The following OTOG variants were observed in gnomAD, a reference collection of about 807,000 sequenced individuals.
The protein encoded by OTOG is otogelin.
In OTOG, 296 loss-of-function variants were observed where a neutral mutation model predicts 313.8. That is an observed-to-expected ratio of 0.94 (90% CI 0.86 to 1.04). The LOEUF (loss-of-function observed/expected upper bound fraction) is 1.04, where lower values mean the gene tolerates loss of function less well. OTOG is among the 50% of genes least tolerant of loss of function. OTOG has a pLI of 0.00. For synonymous variants in OTOG, 1,533 were observed against 1,554.9 expected (o/e 0.99, Z 0.33); for missense variants, 3,948 against 3,840.1 (o/e 1.03, Z -0.74).
intron 32 of OTOG, 131 bp from the exon 33 acceptor site, chr11:17,605,726 G>T: frequency 9.9e-7 from 1 of 1,011,082 alleles, no homozygotes; most frequent in Non-Finnish European, 1.4e-6. Flanking sequence ...TGGTGTAGGG[G>T]GCAGGGCCTG....
In OTOG at chr11:17,631,872, C is replaced by G; in HGVS notation, c.6883C>G (p.Pro2295Ala). 6.4e-7 allele frequency: 1 copy of G among 1,550,522 alleles called. No individual in the cohort carries two copies. Among genetic ancestry groups the G allele is most frequent in the Non-Finnish European group, 8.7e-7 (1 of 1,147,004 alleles). Residue 2295 changes from proline to alanine, a missense_variant, in exon 41 of 56, where the codon CCC (proline) becomes GCC (alanine). Coordinates refer to ENST00000399397, the MANE Select transcript of OTOG (RefSeq NM_001292063.2). ...CAGCTGCGCCACAACTGACTGCTCG[C>G]CCTGCCTTCGCATGGTGTCCAACCG... ...PDSCATTDCS[P>A]CLRMVSNRTF...
In OTOG at chr11:17,610,414, A is replaced by T. The variant is rs781638826; in HGVS notation, c.5114A>T (p.Glu1705Val). The change falls in exon 36 of 56, where the codon GAA becomes GTA. Residue 1705 changes from glutamate (E) to valine (V), a missense_variant. Coordinates refer to ENST00000399397, the MANE Select transcript of OTOG (RefSeq NM_001292063.2). The stretch of plus-strand genomic sequence containing the variant: ...CTAACTGTGGCTGGAACAGCAGCAG[A>T]ACAGGTTCCTGTCAGTCCCCTTGCA... ...TPLTVAGTAAEQVPVSPLATR... is the reference protein window; with the variant it reads ...TPLTVAGTAAVQVPVSPLATR... The T allele has an allele frequency of 9.0e-6, 14 of 1,550,534 alleles. No individual in the cohort carries two copies. Among genetic ancestry groups the T allele is most frequent in the Non-Finnish European group, 1.2e-5 (14 of 1,146,926 alleles).
At chr11:17,571,945 G>A in intron 17 of OTOG, 135 bp from the exon 18 acceptor site, 1 of 1,186,594 alleles carries the variant, frequency 8.4e-7, no homozygotes, top group Middle Eastern at 2.0e-4. Context: ...GCTCCTCTGA[G>A]TGTGTGTATA....
chr11:17,557,231 A>C lies in OTOG; in HGVS notation c.773A>C (p.Tyr258Ser), dbSNP rs1474136016. The C allele has an allele frequency of 6.4e-7, 1 of 1,550,636 alleles. No individual in the cohort carries two copies. Among genetic ancestry groups the C allele is most frequent in the Non-Finnish European group, 8.7e-7 (1 of 1,147,016 alleles). ...GCCTGGGATGGTGCCTCGGCTGTCT[A>C]CATCAAGATGAGTCCAGAGCTTCTG... Reference protein sequence around the residue: ...TLAWDGASAVYIKMSPELLGW... With the variant: ...TLAWDGASAVSIKMSPELLGW... The change falls in exon 8 of 56, where the codon TAC becomes TCC. Residue 258 changes from tyrosine to serine, a missense_variant. Coordinates refer to ENST00000399397, the MANE Select transcript of OTOG (RefSeq NM_001292063.2).
chr11:17,630,946 A>G (rs953805641), intron 40 of OTOG, among the ~76,000 whole-genome samples: 2 of 152,248 alleles, frequency 1.3e-5, no homozygotes, highest in Non-Finnish European at 2.9e-5. Flanking sequence ...TCCTGCATAC[A>G]TAAGTTCCCA....
At position 17,645,772 on chromosome 11, in the gene OTOG, G is replaced by C; in HGVS notation, c.8570G>C (p.Cys2857Ser). The C allele has an allele frequency of 6.4e-7, 1 of 1,550,876 alleles. No homozygotes were observed. Among genetic ancestry groups the C allele is most frequent in the East Asian group, 2.4e-5 (1 of 40,922 alleles). ...AACCTAGTGTCCTGCGATGGGAGGT[G>C]CCCATCCGCCAGCATCTACAACTAC... is the stretch of plus-strand genomic sequence containing the variant. ...PVNLVSCDGR[C>S]PSASIYNYNI... is the part of the protein sequence containing the mutation. The change falls in exon 56 of 56, where the codon TGC becomes TCC. Residue 2857 changes from cysteine to serine, a missense_variant. Cys to Ser is a moderately radical substitution (Grantham distance 112, BLOSUM62 -1). Transcript: ENST00000399397.
rs531434043 is a variant in OTOG at position 17,552,123 on chromosome 11, C to T, written c.292+48C>T. The T allele has an allele frequency of 3.3e-6, 5 of 1,528,132 alleles. No homozygotes were observed. In the South Asian group the frequency reaches 4.8e-5, roughly 15 times the overall value. The allele number at this position is 1,528,132 out of a possible 1,614,324, so 94.7% of individuals were successfully genotyped here. ...TCCATGGGTTGTGCATGGGAGAGCC[C>T]TGGCAGAGGCCTGAAAGGGCAGAGG... On this transcript the variant is annotated intron_variant, in intron 4 of 55. Transcript: ENST00000399397.
intron 31 of OTOG, 39 bp from the exon 32 acceptor site, chr11:17,602,171 C>T: frequency 6.5e-7 from 1 of 1,546,132 alleles, no homozygotes; most frequent in Non-Finnish European, 8.7e-7. Context: ...GGTGGGCAGG[C>T]CATGGGGCCA....
chr11:17,614,886 A>G (rs1427543098), intron 39 of OTOG, among the ~76,000 whole-genome samples: 1 of 152,124 alleles, frequency 6.6e-6, no homozygotes, highest in Non-Finnish European at 1.5e-5. Context: ...TAAAGCCCCC[A>G]GGAGTAGATT....
At position 17,591,450 on chromosome 11, in the gene OTOG, T is replaced by G; in HGVS notation, c.2868T>G (p.Cys956Trp). ...GDQVMSPCHT[C>W]VCQRGSFQCT... is the part of the protein sequence containing the mutation. ...TCTGGTCTGGGCATGTGTTTTTCAG[T>G]GTGTGCCAGCGGGGCTCATTCCAGT... The change falls in exon 25 of 56, where the codon TGT (cysteine) becomes TGG (tryptophan). Residue 956 changes from cysteine to tryptophan, a missense_variant and splice_region_variant. Physicochemically the swap from Cys to Trp is radical, Grantham distance 215. Transcript: ENST00000399397. 1 of 1,550,740 alleles carries G rather than the reference T, an allele frequency of 6.4e-7. No individual in the cohort carries two copies. The highest frequency in any genetic ancestry group is 1.2e-5 in the South Asian group (1 of 84,058).
At position 17,638,465 on chromosome 11, in the gene OTOG, C is replaced by T. The variant is rs876657944; in HGVS notation, c.7810C>T (p.Arg2604Cys). 50 of 1,549,078 alleles carry T rather than the reference C, an allele frequency of 3.2e-5. No homozygotes were observed. Among genetic ancestry groups the T allele is most frequent in the Admixed American group, 3.1e-4 (16 of 50,924 alleles). Reference sequence around the variant, plus strand: ...CTTCCCCACAGTGTGTGAGAACTTCCGCTGTCCCCAAGTGCAGTGTGGCCT... The same window carrying T: ...CTTCCCCACAGTGTGTGAGAACTTCTGCTGTCCCCAAGTGCAGTGTGGCCT... Reference protein sequence around the residue: ...PLYQCVCENFRCPQVQCGLGT... With the variant: ...PLYQCVCENFCCPQVQCGLGT... The change falls in exon 48 of 56, where the codon CGC becomes TGC. Residue 2604 changes from arginine (R) to cysteine (C), a missense_variant. Physicochemically the swap from Arg to Cys is radical, Grantham distance 180. Coordinates refer to ENST00000399397, the MANE Select transcript of OTOG (RefSeq NM_001292063.2).
At position 17,629,330 on chromosome 11, in the gene OTOG, C is replaced by T; in HGVS notation, c.6712+14C>T. On this transcript the variant is annotated intron_variant, in intron 40 of 55. Coordinates refer to ENST00000399397, the MANE Select transcript of OTOG (RefSeq NM_001292063.2). ...ATGGCCTGTGCGGTGAGGTGGAACC[C>T]AGCTTGCGGGGAGGGGATGCTTCCC... 1 of 1,540,116 alleles carries T rather than the reference C, an allele frequency of 6.5e-7. No homozygotes were observed. Among genetic ancestry groups the T allele is most frequent in the Non-Finnish European group, 8.8e-7 (1 of 1,141,164 alleles).
At chr11:17,561,234 G>A (rs1852176118) in intron 14 of OTOG, 97 bp downstream of exon 14, 2 of 1,387,840 alleles carry the variant, frequency 1.4e-6, no homozygotes, top group African/African-American at 1.4e-5. Context: ...TGCGGGTGGG[G>A]ATGTCACTCA....
Position 17,601,628 on chromosome 11 carries a change from G to A in OTOG, c.3710-582G>A, listed in dbSNP as rs181823099. 1.3e-3 allele frequency among the ~76,000 whole-genome samples: 180 copies of A among 138,570 alleles called. 3 individuals are homozygous for A. The East Asian group carries it at 0.041, about 31-fold the overall frequency. 90.9% of individuals were successfully genotyped at this position (138,570 alleles called of 152,430 possible). On this transcript the variant is annotated intron_variant, in intron 31 of 55. Coordinates refer to ENST00000399397, the MANE Select transcript of OTOG (RefSeq NM_001292063.2). ...GCTGGGAGGGCAGCTCAGCAGCCGT[G>A]GGGAGGAGGCATTGGGGTGGGGGGT...
At position 17,561,699 on chromosome 11, in the gene OTOG, C is replaced by T. The variant is rs1022486465; in HGVS notation, c.1536C>T (p.Thr512=). ...TGACTGGTGACATTCACTTCACAAC[C>T]TTTGATGGCCGCCGGTACACGTTCC... ...CSVTGDIHFT[T]FDGRRYTFPA... is the part of the protein sequence containing the mutation. Residue 512 remains threonine, a synonymous_variant, in exon 15 of 56, where the codon ACC becomes ACT. Transcript: ENST00000399397. The T allele has an allele frequency of 1.3e-6, 2 of 1,550,432 alleles. No individual in the cohort carries two copies. Among genetic ancestry groups the T allele is most frequent in the Non-Finnish European group, 1.7e-6 (2 of 1,146,992 alleles).
rs1417924900 is a variant in OTOG at position 17,596,853 on chromosome 11, T to G, written c.3528T>G (p.Val1176=). 3 of 1,550,954 alleles carry G rather than the reference T, an allele frequency of 1.9e-6. No homozygotes were observed. The African/African-American group carries it at 4.1e-5, about 21-fold the overall frequency. The change falls in exon 30 of 56, where the codon GTT becomes GTG. Residue 1176 remains valine, a splice_region_variant and synonymous_variant. Transcript: ENST00000399397. Reference sequence around the variant, plus strand: ...CTCTAACTTCTGACCTTCTCCAGGTTGATGTCACTTGGTTTTACTCAAACT... The same window carrying G: ...CTCTAACTTCTGACCTTCTCCAGGTGGATGTCACTTGGTTTTACTCAAACT... ...SEVFEICHPV[V]DVTWFYSNCL...
At chr11:17,600,029 A>G (rs1343525792) in intron 31 of OTOG, among the ~76,000 whole-genome samples, 1 of 152,244 alleles carries the variant, frequency 6.6e-6, no homozygotes, top group Admixed American at 6.5e-5. Context: ...CTAGCTCATC[A>G]GGCCCACAGA....
rs1848064048 is a variant in OTOG, at chr11:17,645,783, A to G, written c.8581A>G (p.Ser2861Gly). ...CTGCGATGGGAGGTGCCCATCCGCC[A>G]GCATCTACAACTACAACATCAACAC... is the stretch of plus-strand genomic sequence containing the variant. ...VSCDGRCPSA[S>G]IYNYNINTYA... Residue 2861 changes from serine (S) to glycine (G), a missense_variant, in exon 56 of 56, where the codon AGC becomes GGC. Ser to Gly is a moderately conservative substitution (Grantham distance 56). Coordinates refer to ENST00000399397, the MANE Select transcript of OTOG (RefSeq NM_001292063.2). The G allele has an allele frequency of 6.4e-7, 1 of 1,550,962 alleles. No homozygotes were observed. The highest frequency in any genetic ancestry group is 2.0e-5 in the Admixed American group (1 of 50,996).
intron 45 of OTOG, 21 bp from the exon 46 acceptor site, chr11:17,635,059 T>G: frequency 6.5e-7 from 1 of 1,542,962 alleles, no homozygotes; most frequent in Non-Finnish European, 8.8e-7. Context: ...TCCCAGCACC[T>G]AAATTCAGCC....
Sources: allele counts gnomAD v4.1 joint callset (sites outside exome capture counted in the v4.1 genomes callset), GRCh38; gene constraint gnomAD v4.1.1; transcripts MANE v1.5; gene names NCBI Gene and HGNC (gene_info 2026-07-23, HGNC 2026-07-21).